MRGPRE: variants seen among roughly 807,000 people sequenced by gnomAD.
The protein encoded by MRGPRE is MAS related GPR family member E.
For missense variants in MRGPRE, 466 were observed against 433.4 expected, an observed-to-expected ratio of 1.08 and a Z score of -0.67; for synonymous variants, 229 against 206.7, an observed-to-expected ratio of 1.11 and a Z score of -0.92.
In MRGPRE at chr11:3,227,194, G is replaced by T. The variant is rs1457465292; in HGVS notation, c.*667C>A. 1.3e-5 allele frequency among the ~76,000 whole-genome samples: 2 copies of T among 152,056 alleles called. No homozygotes were observed. The highest frequency in any genetic ancestry group is 1.9e-4 in the East Asian group (1 of 5,170). ...GTAAGAAGCCTCTCCACCCACCCAG[G>T]GTGCACCCTCCTAATATCCAGGGAC... On this transcript the variant is annotated 3_prime_UTR_variant, in exon 2 of 2. Coordinates refer to ENST00000389832, the MANE Select transcript of MRGPRE (RefSeq NM_001039165.4).
At position 3,228,077 on chromosome 11, in the gene MRGPRE, G is replaced by T; in HGVS notation, c.723C>A (p.Asn241Lys). The T allele has an allele frequency of 3.1e-6, 5 of 1,606,718 alleles. No homozygotes were observed. Among genetic ancestry groups the T allele is most frequent in the South Asian group, 1.1e-5 (1 of 89,614 alleles). The change falls in exon 2 of 2, where the codon AAC (asparagine) becomes AAA (lysine). Residue 241 changes from asparagine to lysine, a missense_variant. Transcript: ENST00000389832. ...LPFGIYWLSRNLLWYIPHYFY... is the reference protein window; with the variant it reads ...LPFGIYWLSRKLLWYIPHYFY... ...AGTAGTGGGGGATGTACCAGAGCAG[G>T]TTCCGGGACAGCCAGTAGATGCCGA...
Position 3,228,247 on chromosome 11 carries a change from G to T in MRGPRE, c.553C>A (p.Leu185Met). ...RTLWLVAAVL[L>M]ALLCCTMCGA... ...CACATGGTGCAACACAGCAGAGCCA[G>T]CAGCACCGCTGCCACCAGCCACAGC... Residue 185 changes from leucine (L) to methionine (M), a missense_variant, in exon 2 of 2, where the codon CTG becomes ATG. Transcript: ENST00000389832. The T allele has an allele frequency of 6.4e-7, 1 of 1,552,082 alleles. No individual in the cohort carries two copies.
Position 3,228,026 on chromosome 11 carries a change from G to A in MRGPRE, c.774C>T (p.Ala258=), listed in dbSNP as rs748345813. ...HYFYHFSFLM[A]AVHCAAKPVV... is the part of the protein sequence containing the mutation. The stretch of plus-strand genomic sequence containing the variant: ...CGGGCTTGGCCGCGCAGTGCACGGC[G>A]GCCATGAGGAAGCTGAAGTGGTAGA... The change falls in exon 2 of 2, where the codon GCC becomes GCT. Residue 258 remains alanine (A), a synonymous_variant. Coordinates refer to ENST00000389832, the MANE Select transcript of MRGPRE (RefSeq NM_001039165.4). The A allele has an allele frequency of 6.8e-6, 11 of 1,608,472 alleles. No individual in the cohort carries two copies. Among genetic ancestry groups the A allele is most frequent in the African/African-American group, 4.0e-5 (3 of 74,878 alleles).
chr11:3,228,010 C>A lies in MRGPRE; in HGVS notation c.790G>T (p.Ala264Ser). 6.2e-7 allele frequency: 1 copy of A among 1,603,678 alleles called. No individual in the cohort carries two copies. The highest frequency in any genetic ancestry group is 1.1e-5 in the South Asian group (1 of 89,484). ...AGGCAGAAGTAGACGACGGGCTTGG[C>A]CGCGCAGTGCACGGCGGCCATGAGG... is the stretch of plus-strand genomic sequence containing the variant. ...SFLMAAVHCA[A>S]KPVVYFCLGS... The change falls in exon 2 of 2, where the codon GCC (alanine) becomes TCC (serine). Residue 264 changes from alanine to serine, a missense_variant. Ala to Ser is a moderately conservative substitution (Grantham distance 99). Transcript: ENST00000389832.
In MRGPRE at chr11:3,225,623, T is replaced by G. The variant is rs1258927563; in HGVS notation, c.*2238A>C. Among the ~76,000 whole-genome samples the G allele has an allele frequency of 6.6e-6, 1 of 152,156 alleles. No homozygotes were observed. The highest frequency in any genetic ancestry group is 1.5e-5 in the Non-Finnish European group (1 of 68,016). On this transcript the variant is annotated 3_prime_UTR_variant, in exon 2 of 2. Transcript: ENST00000389832. Reference sequence around the variant, plus strand: ...GTTTGGAGGCCAGCCCACATGGTCCTAATGTCCTGAGGGCTCAAGGACCAC... The same window carrying G: ...GTTTGGAGGCCAGCCCACATGGTCCGAATGTCCTGAGGGCTCAAGGACCAC...
Position 3,228,002 on chromosome 11 carries a change from G to T in MRGPRE, c.798C>A (p.Pro266=), listed in dbSNP as rs536257937. Residue 266 remains proline, a synonymous_variant, in exon 2 of 2, where the codon CCC becomes CCA. Transcript: ENST00000389832. The part of the protein sequence containing the change: ...LMAAVHCAAK[P]VVYFCLGSAQ... Reference sequence around the variant, plus strand: ...CACTGCCCAGGCAGAAGTAGACGACGGGCTTGGCCGCGCAGTGCACGGCGG... The same window carrying T: ...CACTGCCCAGGCAGAAGTAGACGACTGGCTTGGCCGCGCAGTGCACGGCGG... 3.7e-6 allele frequency: 6 copies of T among 1,602,794 alleles called. No individual in the cohort carries two copies. Among genetic ancestry groups the T allele is most frequent in the Non-Finnish European group, 5.1e-6 (6 of 1,173,854 alleles).
At position 3,227,995 on chromosome 11, in the gene MRGPRE, A is replaced by G; in HGVS notation, c.805T>C (p.Tyr269His). ...AVHCAAKPVVYFCLGSAQGRR... is the reference protein window; with the variant it reads ...AVHCAAKPVVHFCLGSAQGRR... ...CCCTGGGCACTGCCCAGGCAGAAGT[A>G]GACGACGGGCTTGGCCGCGCAGTGC... The change falls in exon 2 of 2, where the codon TAC becomes CAC. Residue 269 changes from tyrosine (Y) to histidine (H), a missense_variant. Tyr to His is a moderately conservative substitution (Grantham distance 83). Transcript: ENST00000389832. 2 of 1,601,978 alleles carry G rather than the reference A, an allele frequency of 1.2e-6. No individual in the cohort carries two copies. Among genetic ancestry groups the G allele is most frequent in the Non-Finnish European group, 1.7e-6 (2 of 1,173,308 alleles).
chr11:3,228,847 C>G lies in MRGPRE; in HGVS notation c.-48G>C, dbSNP rs1348442582. 1 of 1,461,296 alleles carries G rather than the reference C, an allele frequency of 6.8e-7. No homozygotes were observed. Among genetic ancestry groups the G allele is most frequent in the African/African-American group, 1.4e-5 (1 of 71,098 alleles). The allele number at this position is 1,461,296 out of a possible 1,614,324, so 90.5% of individuals were successfully genotyped here. On this transcript the variant is annotated 5_prime_UTR_variant, in exon 2 of 2. Coordinates refer to ENST00000389832, the MANE Select transcript of MRGPRE (RefSeq NM_001039165.4). The stretch of plus-strand genomic sequence containing the variant: ...TGCAGGAGTGTGTTCTGCTCGCTCT[C>G]TCTCCTGATGCCCCTGTAAACCACA...
In MRGPRE at chr11:3,228,805, G is replaced by A. The variant is rs533123567; in HGVS notation, c.-6C>T. 83 of 1,594,608 alleles carry A rather than the reference G, an allele frequency of 5.2e-5. No individual in the cohort carries two copies. Among genetic ancestry groups the A allele is most frequent in the Non-Finnish European group, 6.7e-5 (78 of 1,168,620 alleles). The stretch of plus-strand genomic sequence containing the variant: ...GCTTCTCTGGGCTCCATCATGGGGC[G>A]GGGGGCCAGGGGATGCTGCAGGAGT... On this transcript the variant is annotated 5_prime_UTR_variant, in exon 2 of 2. Coordinates refer to ENST00000389832, the MANE Select transcript of MRGPRE (RefSeq NM_001039165.4).
Position 3,229,212 on chromosome 11 carries a change from CTTTTTTTTTTTTT to C in MRGPRE, c.-61-365_-61-353del, listed in dbSNP as rs60799467. On this transcript the variant is annotated intron_variant, in intron 1 of 1. Coordinates refer to ENST00000389832, the MANE Select transcript of MRGPRE (RefSeq NM_001039165.4). The surrounding 1 kb of genome is among the most constrained non-coding windows in gnomAD (Gnocchi z 4.4). ...GTGGTGCCTTGATCCTCAGAATGGG[CTTTTTTTTTTTTT>C]TTTTTTTTTTTTTTTTGGAGATGGA... 7.5e-3 allele frequency among the ~76,000 whole-genome samples: 948 copies of C among 126,666 alleles called. 16 individuals are homozygous for C. Among genetic ancestry groups the C allele is most frequent in the African/African-American group, 0.03 (907 of 29,980 alleles). 83.1% of individuals were successfully genotyped at this position (126,666 alleles called of 152,430 possible).
Position 3,230,262 on chromosome 11 carries a change from G to A in MRGPRE, c.-61-1402C>T, listed in dbSNP as rs1448393351. On this transcript the variant is annotated intron_variant, in intron 1 of 1. Transcript: ENST00000389832. This position sits in a 1 kb window ranked among gnomAD's most constrained non-coding sequence, Gnocchi z 5.5. ...TGGCTGGGGTCAGGGGCCGACACCA[G>A]GTGCCCCTCCCACCTTGGTGGTGGC... Among the ~76,000 whole-genome samples the A allele has an allele frequency of 6.6e-6, 1 of 152,006 alleles. No homozygotes were observed. The highest frequency in any genetic ancestry group is 6.5e-5 in the Admixed American group (1 of 15,282).
Position 3,230,971 on chromosome 11 carries a change from G to T in MRGPRE, c.-62+1170C>A, listed in dbSNP as rs980777214. ...TCTCCTACTCAGGATAGCTTGGGGG[G>T]GTCACCAACCCTCAGGCCCAGAGGG... On this transcript the variant is annotated intron_variant, in intron 1 of 1. Coordinates refer to ENST00000389832, the MANE Select transcript of MRGPRE (RefSeq NM_001039165.4). The surrounding 1 kb of genome is among the most constrained non-coding windows in gnomAD (Gnocchi z 5.5). 5.3e-5 allele frequency among the ~76,000 whole-genome samples: 8 copies of T among 151,996 alleles called. No homozygotes were observed. The highest frequency in any genetic ancestry group is 1.9e-4 in the African/African-American group (8 of 41,368).
rs910634677 is a variant in MRGPRE, at chr11:3,225,157, G to A, written c.*2704C>T. ...CAGGCTGATTTACAGACTCGTACCC[G>A]GGCGCTGGGGAGGGGATAGGGAAGC... On this transcript the variant is annotated 3_prime_UTR_variant, in exon 2 of 2. Coordinates refer to ENST00000389832, the MANE Select transcript of MRGPRE (RefSeq NM_001039165.4). Among the ~76,000 whole-genome samples, 14 of 152,364 alleles carry A rather than the reference G, an allele frequency of 9.2e-5. 2 individuals carry two copies. Among genetic ancestry groups the A allele is most frequent in the East Asian group, 3.9e-4 (2 of 5,180 alleles).
Position 3,228,113 on chromosome 11 carries a change from G to T in MRGPRE, c.687C>A (p.Cys229Ter). 3.8e-6 allele frequency: 6 copies of T among 1,595,120 alleles called. No homozygotes were observed. The highest frequency in any genetic ancestry group is 5.1e-6 in the Non-Finnish European group (6 of 1,171,274). ...ILLTVLLFLFCGLPFGIYWLS... is the reference protein window; with the variant it reads ...ILLTVLLFLF ...GCCAGTAGATGCCGAAGGGCAGGCC[G>T]CAGAAGAGGAAGAGGAGGACGGTGA... Residue 229 changes from cysteine to a stop codon, truncating the protein, a stop_gained, in exon 2 of 2, where the codon TGC (cysteine) becomes TGA (stop). Coordinates refer to ENST00000389832, the MANE Select transcript of MRGPRE (RefSeq NM_001039165.4). LOFTEE classifies it low-confidence loss of function (END_TRUNC).
chr11:3,230,706 G>C lies in MRGPRE; in HGVS notation c.-62+1435C>G, dbSNP rs1847820077. ...CTCAGGAAGCTGAGTCCTGCCCGTG[G>C]TCCAGTCTGAATCTCCTGCGGGTGG... is the stretch of plus-strand genomic sequence containing the variant. On this transcript the variant is annotated intron_variant, in intron 1 of 1. Transcript: ENST00000389832. The surrounding 1 kb of genome is among the most constrained non-coding windows in gnomAD (Gnocchi z 5.5). 6.6e-6 allele frequency among the ~76,000 whole-genome samples: 1 copy of C among 152,126 alleles called. No homozygotes were observed. The highest frequency in any genetic ancestry group is 6.5e-5 in the Admixed American group (1 of 15,284).
At position 3,230,148 on chromosome 11, in the gene MRGPRE, C is replaced by T. The variant is rs1389862240; in HGVS notation, c.-61-1288G>A. On this transcript the variant is annotated intron_variant, in intron 1 of 1. Coordinates refer to ENST00000389832, the MANE Select transcript of MRGPRE (RefSeq NM_001039165.4). This position sits in a 1 kb window ranked among gnomAD's most constrained non-coding sequence, Gnocchi z 5.5. Reference sequence around the variant, plus strand: ...CATGCTGCCCCTGTGGTTACCTGGCCCGTCATGTGTCTCTGAGTGCTTGGT... The same window carrying T: ...CATGCTGCCCCTGTGGTTACCTGGCTCGTCATGTGTCTCTGAGTGCTTGGT... Among the ~76,000 whole-genome samples, 1 of 152,120 alleles carries T rather than the reference C, an allele frequency of 6.6e-6. No individual in the cohort carries two copies. The highest frequency in any genetic ancestry group is 1.5e-5 in the Non-Finnish European group (1 of 68,028).
Position 3,231,945 on chromosome 11 carries a change from A to G in MRGPRE, c.-62+196T>C, listed in dbSNP as rs1191851297. Among the ~76,000 whole-genome samples the G allele has an allele frequency of 1.3e-5, 2 of 152,106 alleles. No homozygotes were observed. Among genetic ancestry groups the G allele is most frequent in the African/African-American group, 2.4e-5 (1 of 41,408 alleles). ...TATCGTCCTCTTCCAGACTCAGCCC[A>G]GGGCTGGCTGCGGACCAGGTGGTGC... On this transcript the variant is annotated intron_variant, in intron 1 of 1. Coordinates refer to ENST00000389832, the MANE Select transcript of MRGPRE (RefSeq NM_001039165.4). The surrounding 1 kb of genome is among the most constrained non-coding windows in gnomAD (Gnocchi z 4.7).
In MRGPRE at chr11:3,228,481, A is replaced by G; in HGVS notation, c.319T>C (p.Tyr107His). Residue 107 changes from tyrosine (Y) to histidine (H), a missense_variant, in exon 2 of 2, where the codon TAC becomes CAC. Physicochemically the swap from Tyr to His is moderately conservative, Grantham distance 83. Transcript: ENST00000389832. The part of the protein sequence containing the change: ...TSLATLRFFC[Y>H]IVGLSLLAAV... ...GCCAGGAGACTCAGGCCCACGATGT[A>G]GCAGAAGAAGCGCAGCGTTGCCAGG... The G allele has an allele frequency of 6.2e-7, 1 of 1,613,460 alleles. No individual in the cohort carries two copies. The highest frequency in any genetic ancestry group is 8.5e-7 in the Non-Finnish European group (1 of 1,179,964).
Position 3,226,946 on chromosome 11 carries a change from G to A in MRGPRE, c.*915C>T, listed in dbSNP as rs1244306209. Among the ~76,000 whole-genome samples, 1 of 152,218 alleles carries A rather than the reference G, an allele frequency of 6.6e-6. No homozygotes were observed. The highest frequency in any genetic ancestry group is 2.4e-5 in the African/African-American group (1 of 41,464). On this transcript the variant is annotated 3_prime_UTR_variant, in exon 2 of 2. Coordinates refer to ENST00000389832, the MANE Select transcript of MRGPRE (RefSeq NM_001039165.4). ...CCAAAGCCCCCACTCTAGCACCCCT[G>A]GCACATGCTCCTGGATGGCAGCCAG...
Sources: gnomAD v4.1 joint callset for allele counts (sites outside exome capture counted in the v4.1 genomes callset) on GRCh38, gnomAD v4.1.1 for gene constraint, Gnocchi (gnomAD v3.1) non-coding constraint, MANE v1.5 for transcripts, NCBI Gene and HGNC (gene_info 2026-07-23, HGNC 2026-07-21) for gene names.